The following MDGA2 variants were observed in gnomAD, a reference collection of about 807,000 sequenced individuals.
The protein encoded by MDGA2 is MAM domain containing glycosylphosphatidylinositol anchor 2.
In MDGA2, 40 loss-of-function variants were observed where a neutral mutation model predicts 117.8. The ratio of observed to expected loss-of-function variants is 0.34; its 90% confidence interval spans 0.26 to 0.44. The LOEUF is 0.44. MDGA2 is among the 20% of genes least tolerant of loss of function. MDGA2 has a pLI of 1.00. For missense variants in MDGA2, 1,123 were observed against 1,250.6 expected (o/e 0.90, Z 1.54); for synonymous variants, 452 against 439.0 (o/e 1.03, Z -0.37).
intron 1 of MDGA2, among the ~76,000 whole-genome samples, chr14:47,647,744 T>C (rs956822068): frequency 5.3e-5 from 8 of 152,152 alleles, no homozygotes; most frequent in Non-Finnish European, 8.8e-5. Context: ...ATGTGTTTTA[T>C]AGCTGTTTTA....
intron 9 of MDGA2, among the ~76,000 whole-genome samples, chr14:46,951,077 A>G (rs1488719149): frequency 6.6e-6 from 1 of 151,932 alleles, no homozygotes; most frequent in Non-Finnish European, 1.5e-5. Context: ...CAATATGTCA[A>G]TATGAATATT....
chr14:47,236,290 C>CAAAAAAAAAAAAAAAAAAAAAAAAA (rs5808383), intron 2 of MDGA2, among the ~76,000 whole-genome samples: 1 of 67,252 alleles, frequency 1.5e-5, no homozygotes, highest in African/African-American at 6.0e-5. Flanking sequence ...GACTCCGCCT[C>CAAAAAAAAAAAAAAAAAAAAAAAAA]AAAAAAAAAA....
intron 6 of MDGA2, among the ~76,000 whole-genome samples, chr14:47,062,504 T>TC (rs953895458): frequency 2.6e-5 from 4 of 151,838 alleles, no homozygotes; most frequent in African/African-American, 9.6e-5. Context: ...TTTTTCTTTT[T>TC]TTTTTTTTTC....
At chr14:47,129,076 G>C (rs1021281999) in intron 5 of MDGA2, among the ~76,000 whole-genome samples, 5 of 150,158 alleles carry the variant, frequency 3.3e-5, no homozygotes, top group African/African-American at 7.3e-5. Context: ...ATACGAAATA[G>C]AGCATTCTCT....
chr14:47,511,505 C>A (rs753119509), intron 1 of MDGA2, among the ~76,000 whole-genome samples: 2 of 151,904 alleles, frequency 1.3e-5, no homozygotes, highest in African/African-American at 2.4e-5. Context: ...GTTTATAACA[C>A]AGAAAGTATC....
intron 1 of MDGA2, chr14:47,342,795 A>G (rs1458425666): frequency 3.0e-6 from 1 of 329,054 alleles, no homozygotes; most frequent in Admixed American, 4.5e-5. Context: ...TAAAACACTT[A>G]CAAAAGTAGC....
chr14:47,086,119 T>A (rs201040034), intron 6 of MDGA2, among the ~76,000 whole-genome samples: 1 of 131,862 alleles, frequency 7.6e-6, no homozygotes, highest in East Asian at 2.6e-4. Flanking sequence ...TTTTTGTTTT[T>A]TGTTTTTTTT....
intron 2 of MDGA2, among the ~76,000 whole-genome samples, chr14:47,298,576 T>A (rs1286861202): frequency 6.6e-6 from 1 of 152,056 alleles, no homozygotes; most frequent in South Asian, 2.1e-4. Context: ...CAGGACCAGC[T>A]GCCAACAGCA....
At position 47,281,075 on chromosome 14, in the gene MDGA2, T is replaced by C. The variant is rs1888473389; in HGVS notation, c.420+20336A>G. 2.7e-5 allele frequency among the ~76,000 whole-genome samples: 4 copies of C among 148,400 alleles called. No individual in the cohort carries two copies. In the South Asian group the frequency reaches 8.3e-4, roughly 31 times the overall value. ...AACAAGCTGTGTTCAATTAATATAA[T>C]ATAAAATAAAATATAATTAAATATG... is the stretch of plus-strand genomic sequence containing the variant. On this transcript the variant is annotated intron_variant, in intron 2 of 16. Coordinates refer to ENST00000399232, the MANE Select transcript of MDGA2 (RefSeq NM_001113498.3).
At chr14:47,424,413 CAA>C (rs34875957) in intron 1 of MDGA2, among the ~76,000 whole-genome samples, 2,014 of 139,508 alleles carry the variant, frequency 0.014, 28 homozygotes, top group East Asian at 0.079. Flanking sequence ...GATTCTGTCT[CAA>C]AAAAAAAAAA....
intron 6 of MDGA2, among the ~76,000 whole-genome samples, chr14:47,093,184 G>A (rs1879767441): frequency 6.6e-6 from 1 of 151,974 alleles, no homozygotes; most frequent in South Asian, 2.1e-4. Flanking sequence ...GACCCAAGCT[G>A]GGGAGGGGAG....
chr14:46,888,507 A>C (rs1595023006), intron 10 of MDGA2, among the ~76,000 whole-genome samples: 1 of 151,992 alleles, frequency 6.6e-6, no homozygotes, highest in Non-Finnish European at 1.5e-5. Flanking sequence ...CAAGTACCCT[A>C]AAGTGAGACT....
chr14:47,236,086 A>G (rs1203282429), intron 2 of MDGA2, among the ~76,000 whole-genome samples: 1 of 152,012 alleles, frequency 6.6e-6, no homozygotes, highest in Non-Finnish European at 1.5e-5. Flanking sequence ...AGGTCAGGAG[A>G]TCGAGACCAT....
intron 11 of MDGA2, among the ~76,000 whole-genome samples, chr14:46,881,470 C>G (rs1476364118): frequency 6.6e-6 from 1 of 152,076 alleles, no homozygotes; most frequent in East Asian, 1.9e-4. Context: ...TATAACTGCA[C>G]AACACAAATA....
chr14:47,239,160 G>A (rs181463705), intron 2 of MDGA2, among the ~76,000 whole-genome samples: 3 of 150,856 alleles, frequency 2.0e-5, no homozygotes, highest in African/African-American at 7.3e-5. Flanking sequence ...TGCTAGCTTG[G>A]GGGAAACAAA....
chr14:47,530,668 A>T (rs768581780), intron 1 of MDGA2, among the ~76,000 whole-genome samples: 12 of 151,840 alleles, frequency 7.9e-5, no homozygotes, highest in Non-Finnish European at 1.6e-4. Flanking sequence ...ACCCCCCTGG[A>T]CCCCCTATCT....
At chr14:47,613,060 G>A (rs941750528) in intron 1 of MDGA2, among the ~76,000 whole-genome samples, 4 of 152,092 alleles carry the variant, frequency 2.6e-5, no homozygotes, top group African/African-American at 7.2e-5. Context: ...TGAGTTTTAA[G>A]CACCTTCCAA....
chr14:47,448,618 CT>C (rs1893177129), intron 1 of MDGA2, among the ~76,000 whole-genome samples: 1 of 152,128 alleles, frequency 6.6e-6, no homozygotes, highest in Non-Finnish European at 1.5e-5. Context: ...CAGAGGCTCA[CT>C]TTTGGACTTC....
chr14:47,570,913 A>T (rs1896006998), intron 1 of MDGA2, among the ~76,000 whole-genome samples: 1 of 152,240 alleles, frequency 6.6e-6, no homozygotes, highest in African/African-American at 2.4e-5. Flanking sequence ...ATGGGACCTG[A>T]TTAAACTACA....
Sources: allele counts gnomAD v4.1 joint callset (sites outside exome capture counted in the v4.1 genomes callset), GRCh38; gene constraint gnomAD v4.1.1; transcripts MANE v1.5; gene names NCBI Gene and HGNC (gene_info 2026-07-23, HGNC 2026-07-21).